VLDLR: variants seen among roughly 807,000 people sequenced by gnomAD.
The protein encoded by VLDLR is very low-density lipoprotein receptor.
VLDLR carries 81 observed loss-of-function variants against 112.7 expected under a neutral mutation model. That is an observed-to-expected ratio of 0.72 (90% CI 0.60 to 0.86). The LOEUF (loss-of-function observed/expected upper bound fraction) is 0.86, where lower values mean the gene tolerates loss of function less well. VLDLR is among the 40% of genes least tolerant of loss of function. The probability of loss-of-function intolerance (pLI) is 0.00; values close to 1 mark genes in which losing one functional copy is unlikely to be tolerated. For missense variants in VLDLR, 1,237 were observed against 1,099.4 expected (o/e 1.13, Z -1.77); for synonymous variants, 436 against 384.8 (o/e 1.13, Z -1.56).
Position 2,646,442 on chromosome 9 carries a change from T to C in VLDLR, c.1593T>C (p.Asp531=), listed in dbSNP as rs1308896601. The stretch of plus-strand genomic sequence containing the variant: ...TGTACAAGACCATCTACTGGACTGA[T>C]GCGGCTTCTAAGACTATTTCAGTAG... ...DWVYKTIYWT[D]AASKTISVAT... is the part of the protein sequence containing the mutation. The change falls in exon 11 of 19, where the codon GAT becomes GAC. Residue 531 remains aspartate, a synonymous_variant. Coordinates refer to ENST00000382100, the MANE Select transcript of VLDLR (RefSeq NM_003383.5). 1 of 1,614,144 alleles carries C rather than the reference T, an allele frequency of 6.2e-7. No individual in the cohort carries two copies. The highest frequency in any genetic ancestry group is 1.3e-5 in the African/African-American group (1 of 75,042).
intron 14 of VLDLR, among the ~76,000 whole-genome samples, chr9:2,650,090 C>G (rs1818253583): frequency 6.6e-6 from 1 of 152,104 alleles, no homozygotes; most frequent in Non-Finnish European, 1.5e-5. Context: ...AGTCCTGGTC[C>G]CTCACCTCCC....
chr9:2,639,725 A>G, intron 2 of VLDLR, 134 bp from the exon 3 acceptor site: 1 of 1,271,238 alleles, frequency 7.9e-7, no homozygotes, highest in South Asian at 1.2e-5. Context: ...TCCCCTGGAT[A>G]TTGGCAGTTG....
At chr9:2,650,262 G>A (rs1049794874) in intron 14 of VLDLR, 108 bp from the exon 15 acceptor site, 4 of 1,406,000 alleles carry the variant, frequency 2.8e-6, no homozygotes, top group Non-Finnish European at 4.0e-6. Context: ...GAGTAGACAA[G>A]TTTAAGCTCT....
At position 2,653,895 on chromosome 9, in the gene VLDLR, G is replaced by C. The variant is rs1276244545; in HGVS notation, c.*27G>C. 2.5e-6 allele frequency: 4 copies of C among 1,613,386 alleles called. No individual in the cohort carries two copies. In the South Asian group the frequency reaches 4.4e-5, roughly 18 times the overall value. ...TTCTGTGACAAATGTTGACCTTTGAGGTCTAAACAAATAATACCCCCGTCG... is the reference window on the plus strand; with the variant it reads ...TTCTGTGACAAATGTTGACCTTTGACGTCTAAACAAATAATACCCCCGTCG... On this transcript the variant is annotated 3_prime_UTR_variant, in exon 19 of 19. Coordinates refer to ENST00000382100, the MANE Select transcript of VLDLR (RefSeq NM_003383.5).
intron 1 of VLDLR, among the ~76,000 whole-genome samples, chr9:2,630,632 C>T (rs1405652452): frequency 6.6e-6 from 1 of 152,188 alleles, no homozygotes; most frequent in Non-Finnish European, 1.5e-5. Context: ...GGTATTTACT[C>T]GAAGGCCTAT....
rs1816796995 is a variant in VLDLR at position 2,621,920 on chromosome 9, C to G, written c.-270C>G. 1.6e-6 allele frequency: 1 copy of G among 642,098 alleles called. No individual in the cohort carries two copies. The highest frequency in any genetic ancestry group is 1.6e-5 in the South Asian group (1 of 63,804). The allele number at this position is 642,098 out of a possible 1,614,324, so 39.8% of individuals were successfully genotyped here. On this transcript the variant is annotated 5_prime_UTR_variant, in exon 1 of 19. Transcript: ENST00000382100. ...CCCTTGCCTCCCCTCCTCTGCAGCG[C>G]CTGCATTATTTTCTGCCCGCAGGCT...
intron 10 of VLDLR, 110 bp from the exon 11 acceptor site, chr9:2,646,224 C>A (rs749796854): frequency 1.2e-5 from 12 of 1,008,124 alleles, no homozygotes; most frequent in Non-Finnish European, 1.9e-5. Flanking sequence ...GTGGTGTTAA[C>A]TGGATTTCTT....
chr9:2,633,576 G>A (rs1817463864), intron 1 of VLDLR, among the ~76,000 whole-genome samples: 1 of 151,950 alleles, frequency 6.6e-6, no homozygotes, highest in Non-Finnish European at 1.5e-5. Flanking sequence ...CAATGTTGTT[G>A]TCTCATTTTG....
chr9:2,628,492 T>G (rs1586635309), intron 1 of VLDLR, among the ~76,000 whole-genome samples: 1 of 152,144 alleles, frequency 6.6e-6, no homozygotes, highest in Non-Finnish European at 1.5e-5. Context: ...CTGAGGAAAT[T>G]AGTAGGGAAC....
Position 2,647,141 on chromosome 9 carries a change from TCAGC to T in VLDLR, c.1704-326_1704-323del, listed in dbSNP as rs35850291. Among the ~76,000 whole-genome samples, 26,195 of 151,184 alleles carry T rather than the reference TCAGC, an allele frequency of 0.17. 2,414 individuals are homozygous for T. Among genetic ancestry groups the T allele is most frequent in the African/African-American group, 0.19 (8,046 of 41,372 alleles). On this transcript the variant is annotated intron_variant, in intron 11 of 18. Transcript: ENST00000382100. ...CCCGTGCAGCCTCATTAGAACTCAG[TCAGC>T]CAGCCAACCCCTGCTATGAAATTTG...
rs1210756909 is a variant in VLDLR at position 2,646,394 on chromosome 9, T to C, written c.1545T>C (p.Pro515=). The C allele has an allele frequency of 2.5e-6, 4 of 1,614,090 alleles. No individual in the cohort carries two copies. Among genetic ancestry groups the C allele is most frequent in the Admixed American group, 3.3e-5 (2 of 60,006 alleles). ...HVKMIDNVYN[P]AAIAVDWVYK... ...AAATGATCGACAATGTCTATAATCCTGCAGCCATTGCTGTTGATTGGGTGT... is the reference window on the plus strand; with the variant it reads ...AAATGATCGACAATGTCTATAATCCCGCAGCCATTGCTGTTGATTGGGTGT... The change falls in exon 11 of 19, where the codon CCT becomes CCC. Residue 515 remains proline, a synonymous_variant. Coordinates refer to ENST00000382100, the MANE Select transcript of VLDLR (RefSeq NM_003383.5).
Position 2,643,286 on chromosome 9 carries a change from C to T in VLDLR, c.575C>T (p.Thr192Ile). The T allele has an allele frequency of 6.2e-7, 1 of 1,613,706 alleles. No individual in the cohort carries two copies. Among genetic ancestry groups the T allele is most frequent in the Non-Finnish European group, 8.5e-7 (1 of 1,179,654 alleles). ...GSDELDCAPP[T>I]CGAHEFQCST... ...GATGAGCTGGACTGTGCCCCGCCAA[C>T]CTGTGGCGCCCATGAGTTCCAGTGC... The change falls in exon 5 of 19, where the codon ACC (threonine) becomes ATC (isoleucine). Residue 192 changes from threonine to isoleucine, a missense_variant. Thr to Ile is a moderately conservative substitution (Grantham distance 89). Coordinates refer to ENST00000382100, the MANE Select transcript of VLDLR (RefSeq NM_003383.5).
intron 15 of VLDLR, 22 bp downstream of exon 15, chr9:2,650,538 C>T (rs1388557432): frequency 1.2e-6 from 2 of 1,612,142 alleles, no homozygotes; most frequent in Non-Finnish European, 1.7e-6. Flanking sequence ...TGTGTTTCAA[C>T]CACAAGTAGA....
At chr9:2,623,461 C>T (rs975622256) in intron 1 of VLDLR, among the ~76,000 whole-genome samples, 3 of 74,972 alleles carry the variant, frequency 4.0e-5, no homozygotes, top group African/African-American at 8.5e-5. Context: ...CGCCGGGTGG[C>T]TTCAGGGGCC....
intron 2 of VLDLR, among the ~76,000 whole-genome samples, chr9:2,638,466 T>A (rs1381802415): frequency 1.3e-5 from 2 of 152,168 alleles, no homozygotes; most frequent in African/African-American, 4.8e-5. Context: ...ACAGAATATA[T>A]GTTATAGAGG....
At chr9:2,651,978 G>A in intron 17 of VLDLR, 24 bp downstream of exon 17, 1 of 1,612,586 alleles carries the variant, frequency 6.2e-7, no homozygotes. Context: ...CTACAAGTCT[G>A]GGTTCAAGAA....
At chr9:2,644,066 C>T (rs1476195996) in intron 7 of VLDLR, 107 bp downstream of exon 7, 75 of 1,534,778 alleles carry the variant, frequency 4.9e-5, no homozygotes, top group East Asian at 9.2e-5. Context: ...TTTGAATGTA[C>T]TGAAGTTCAA....
Position 2,648,247 on chromosome 9 carries a change from T to C in VLDLR, c.1862T>C (p.Leu621Ser). The C allele has an allele frequency of 6.2e-7, 1 of 1,614,242 alleles. No individual in the cohort carries two copies. Among genetic ancestry groups the C allele is most frequent in the Non-Finnish European group, 8.5e-7 (1 of 1,180,024 alleles). ...KSRLYWLDSK[L>S]HMLSSVDLNG... ...CGCCTCTATTGGCTTGATTCTAAGTTGCACATGTTATCCAGCGTGGACTTG... is the reference window on the plus strand; with the variant it reads ...CGCCTCTATTGGCTTGATTCTAAGTCGCACATGTTATCCAGCGTGGACTTG... The change falls in exon 13 of 19, where the codon TTG (leucine) becomes TCG (serine). Residue 621 changes from leucine to serine, a missense_variant. Physicochemically the swap from Leu to Ser is moderately radical, Grantham distance 145. Transcript: ENST00000382100.
intron 3 of VLDLR, among the ~76,000 whole-genome samples, chr9:2,640,653 G>T (rs1817784135): frequency 6.6e-6 from 1 of 152,198 alleles, no homozygotes; most frequent in Non-Finnish European, 1.5e-5. Context: ...GTAGAGGCCT[G>T]CACTGGTAGA....
Sources: allele counts gnomAD v4.1 joint callset (sites outside exome capture counted in the v4.1 genomes callset), GRCh38; gene constraint gnomAD v4.1.1; transcripts MANE v1.5; gene names NCBI Gene and HGNC (gene_info 2026-07-23, HGNC 2026-07-21).